Variants in SGCZ observed in about 807,000 individuals in gnomAD.
The protein encoded by SGCZ is sarcoglycan zeta.
Under a neutral mutation model 41.3 loss-of-function variants are expected in SGCZ, and 40 were observed. The ratio of observed to expected loss-of-function variants is 0.97; its 90% CI spans 0.75 to 1.26. The LOEUF (loss-of-function observed/expected upper bound fraction) is 1.26. SGCZ is among the 50% of genes most tolerant of loss of function. SGCZ has a pLI of 0.00. For missense variants in SGCZ, 552 were observed against 369.8 expected, an observed-to-expected ratio of 1.49 and a Z score of -4.04; for synonymous variants, 206 against 137.5, an observed-to-expected ratio of 1.50 and a Z score of -3.49.
chr8:14,567,452 T>G (rs903897423), intron 1 of SGCZ, among the ~76,000 whole-genome samples: 1 of 152,182 alleles, frequency 6.6e-6, no homozygotes, highest in East Asian at 1.9e-4. Flanking sequence ...AACTTTTGTG[T>G]CTGGCTCAGG....
At chr8:14,731,431 T>C (rs1210246971) in intron 1 of SGCZ, among the ~76,000 whole-genome samples, 1 of 152,048 alleles carries the variant, frequency 6.6e-6, no homozygotes, top group East Asian at 1.9e-4. Context: ...AAATACCTGA[T>C]GTAGATGATG....
At chr8:14,582,558 G>C (rs1179316408) in intron 1 of SGCZ, among the ~76,000 whole-genome samples, 1 of 151,540 alleles carries the variant, frequency 6.6e-6, no homozygotes, top group Non-Finnish European at 1.5e-5. Context: ...TGTGCACAAT[G>C]TGCAGGTTAG....
intron 1 of SGCZ, among the ~76,000 whole-genome samples, chr8:15,164,083 C>G (rs1248816301): frequency 6.6e-6 from 1 of 152,208 alleles, no homozygotes; most frequent in Non-Finnish European, 1.5e-5. Context: ...ATCTTTTCAC[C>G]TAATAAAACC....
chr8:14,413,000 T>C (rs565600544), intron 2 of SGCZ, among the ~76,000 whole-genome samples: 51 of 152,004 alleles, frequency 3.4e-4, no homozygotes, highest in Non-Finnish European at 6.8e-4. Flanking sequence ...ACTTTTGTTA[T>C]AAAGGACAAC....
intron 1 of SGCZ, among the ~76,000 whole-genome samples, chr8:14,866,854 GA>G (rs750635239): frequency 1.3e-5 from 2 of 151,926 alleles, no homozygotes; most frequent in Non-Finnish European, 2.9e-5. Flanking sequence ...GAAACTAAAA[GA>G]AAAAAAAGTT....
intron 1 of SGCZ, among the ~76,000 whole-genome samples, chr8:14,947,962 T>C (rs1800508168): frequency 6.6e-6 from 1 of 152,196 alleles, no homozygotes; most frequent in African/African-American, 2.4e-5. Flanking sequence ...CAAAGCTGTA[T>C]CTAATGATAC....
At chr8:14,129,508 A>G (rs2117054200) in intron 5 of SGCZ, among the ~76,000 whole-genome samples, 1 of 152,062 alleles carries the variant, frequency 6.6e-6, no homozygotes, top group African/African-American at 2.4e-5. Context: ...ACACATTTAA[A>G]AAGAGACAAA....
chr8:14,801,320 C>T (rs1801315476), intron 1 of SGCZ, among the ~76,000 whole-genome samples: 1 of 152,094 alleles, frequency 6.6e-6, no homozygotes. Flanking sequence ...TATGTAATCT[C>T]ATTTGCTTTA....
chr8:14,656,197 G>GCAGAGATAAAGTGTCTTTATC (rs56090801), intron 1 of SGCZ, among the ~76,000 whole-genome samples: 6 of 151,804 alleles, frequency 4.0e-5, no homozygotes, highest in African/African-American at 7.3e-5. Context: ...AACCAGCAAA[G>GCAGAGATAAAGTGTCTTTATC]CAGAGATAAA....
chr8:14,446,380 C>A (rs1800432696), intron 2 of SGCZ, among the ~76,000 whole-genome samples: 1 of 152,148 alleles, frequency 6.6e-6, no homozygotes, highest in Non-Finnish European at 1.5e-5. Context: ...CTAATAAACT[C>A]CCAATCTTCT....
chr8:14,874,984 A>C (rs1804295519), intron 1 of SGCZ, among the ~76,000 whole-genome samples: 1 of 152,204 alleles, frequency 6.6e-6, no homozygotes, highest in Non-Finnish European at 1.5e-5. Flanking sequence ...GCTCTTAAAA[A>C]GGACTCAGAT....
chr8:15,096,718 GCT>G (rs1203891445), intron 1 of SGCZ, among the ~76,000 whole-genome samples: 1 of 151,254 alleles, frequency 6.6e-6, no homozygotes, highest in Non-Finnish European at 1.5e-5. Context: ...ACACAGTCTC[GCT>G]CTGTCTCCAG....
At chr8:14,956,321 A>T (rs1391171088) in intron 1 of SGCZ, among the ~76,000 whole-genome samples, 1 of 152,078 alleles carries the variant, frequency 6.6e-6, no homozygotes, top group East Asian at 1.9e-4. Flanking sequence ...TACAAGCGTG[A>T]GCCACCACAC....
At chr8:14,578,622 T>C (rs1804789746) in intron 1 of SGCZ, among the ~76,000 whole-genome samples, 1 of 152,214 alleles carries the variant, frequency 6.6e-6, no homozygotes, top group Non-Finnish European at 1.5e-5. Flanking sequence ...CTAAAACTGT[T>C]GATTAATTCT....
At chr8:14,319,551 A>G (rs760830996) in intron 3 of SGCZ, 1 of 152,042 alleles carries the variant, frequency 6.6e-6, no homozygotes, top group Non-Finnish European at 1.5e-5. Context: ...AAACTAGCAA[A>G]CAAAACTAAT....
At chr8:14,902,955 A>AT (rs1406099070) in intron 1 of SGCZ, among the ~76,000 whole-genome samples, 1 of 152,150 alleles carries the variant, frequency 6.6e-6, no homozygotes, top group African/African-American at 2.4e-5. Flanking sequence ...CAAAACTGTG[A>AT]TTTTCAAAAC....
intron 1 of SGCZ, among the ~76,000 whole-genome samples, chr8:14,665,450 G>A (rs977642176): frequency 3.9e-5 from 6 of 152,096 alleles, no homozygotes; most frequent in African/African-American, 1.4e-4. Flanking sequence ...CTTTGCTATT[G>A]TGAATAGTGC....
At chr8:14,662,696 T>TA (rs1274144986) in intron 1 of SGCZ, among the ~76,000 whole-genome samples, 10 of 152,176 alleles carry the variant, frequency 6.6e-5, no homozygotes, top group African/African-American at 2.4e-4. Context: ...TTAAGGTTGA[T>TA]AATGAAATCA....
intron 1 of SGCZ, among the ~76,000 whole-genome samples, chr8:14,777,396 G>T (rs1484726500): frequency 1.3e-5 from 2 of 152,114 alleles, no homozygotes; most frequent in African/African-American, 2.4e-5. Flanking sequence ...TACACTTCAG[G>T]TGGGAAAAGT....
Sources: allele counts gnomAD v4.1 joint callset (sites outside exome capture counted in the v4.1 genomes callset), GRCh38; gene constraint gnomAD v4.1.1; transcripts MANE v1.5; gene names NCBI Gene and HGNC (gene_info 2026-07-23, HGNC 2026-07-21).